The following C5 variants were observed in gnomAD, a reference collection of about 807,000 sequenced individuals.
C5 encodes the protein complement C5.
C5 carries 140 observed loss-of-function variants against 218.8 expected under a neutral mutation model. The observed-to-expected ratio is 0.64, with a 90% CI of 0.56 to 0.74. The LOEUF (loss-of-function observed/expected upper bound fraction) is 0.74. Ranked by LOEUF, C5 falls within the 30% of genes least tolerant of loss-of-function variation. The pLI, the probability that C5 is intolerant of heterozygous loss-of-function variation, is 0.00. For missense variants in C5, 1,700 were observed against 1,969.6 expected, an observed-to-expected ratio of 0.86 and a Z score of 2.59; for synonymous variants, 614 against 682.3, an observed-to-expected ratio of 0.90 and a Z score of 1.56.
At chr9:121,030,787 A>C (rs1221410638) in intron 6 of C5, among the ~76,000 whole-genome samples, 1 of 152,248 alleles carries the variant, frequency 6.6e-6, no homozygotes, top group Non-Finnish European at 1.5e-5. Context: ...AAAACAAAAA[A>C]ACTTTTCAAT....
At position 120,996,276 on chromosome 9, in the gene C5, A is replaced by G. The variant is rs757140743; in HGVS notation, c.2815T>C (p.Tyr939His). 3.5e-5 allele frequency: 56 copies of G among 1,612,942 alleles called. 1 individual carries two copies. The South Asian group carries it at 6.0e-4, about 17-fold the overall frequency. ...VVPEGVKRES[Y>H]SGVTLDPRGI... ...CTAGGATCCAAAGTAACACCAGAAT[A>G]GCTTTCCCTTTTGACACCTTCTGGC... Residue 939 changes from tyrosine to histidine, a missense_variant, in exon 22 of 41, where the codon TAT (tyrosine) becomes CAT (histidine). Tyr to His is a moderately conservative substitution (Grantham distance 83). Transcript: ENST00000223642.
chr9:120,965,099 A>G (rs2046857265), intron 33 of C5, among the ~76,000 whole-genome samples: 1 of 152,312 alleles, frequency 6.6e-6, no homozygotes, highest in East Asian at 1.9e-4. Context: ...AAATTAAAAG[A>G]CAGCTTCATA....
intron 33 of C5, among the ~76,000 whole-genome samples, chr9:120,964,117 T>C (rs2046848524): frequency 6.6e-6 from 1 of 152,220 alleles, no homozygotes; most frequent in Admixed American, 6.5e-5. Flanking sequence ...ATGAAGCATA[T>C]TCCAAGGAAA....
intron 27 of C5, among the ~76,000 whole-genome samples, 176 bp from the exon 28 acceptor site, chr9:120,980,430 A>T (rs1390198712): frequency 6.6e-6 from 1 of 152,110 alleles, no homozygotes; most frequent in Admixed American, 6.5e-5. Context: ...GAAGGAGCAG[A>T]GCATAATCTT....
rs761251498 is a variant in C5, at chr9:120,980,205, G to C, written c.3536C>G (p.Thr1179Arg). The change falls in exon 28 of 41, where the codon ACA becomes AGA. Residue 1179 changes from threonine (T) to arginine (R), a missense_variant. Transcript: ENST00000223642. The part of the protein sequence containing the change: ...IKADNFLLEN[T>R]LPAQSTFTLA... The stretch of plus-strand genomic sequence containing the variant: ...TGTAAAGGTGCTCTGGGCTGGCAGT[G>C]TATTTTCAAGCAGAAAGTTGTCAGC... 1 of 1,614,154 alleles carries C rather than the reference G, an allele frequency of 6.2e-7. No homozygotes were observed.
intron 39 of C5, among the ~76,000 whole-genome samples, chr9:120,954,861 G>A (rs1031247340): frequency 1.3e-5 from 2 of 152,200 alleles, no homozygotes; most frequent in Non-Finnish European, 2.9e-5. Context: ...CCCTGATGGT[G>A]TAGATTCCTA....
At chr9:121,052,703 T>A (rs1017312153), upstream of C5, among the ~76,000 whole-genome samples, 3 of 152,060 alleles carry the variant, frequency 2.0e-5, no homozygotes, top group East Asian at 5.8e-4. Context: ...AGCCTCAACA[T>A]TCCATTCTTC....
At chr9:121,006,806 C>A in intron 19 of C5, 98 bp downstream of exon 19, 2 of 856,510 alleles carry the variant, frequency 2.3e-6, no homozygotes, top group Non-Finnish European at 3.9e-6. Context: ...AAATTGCTAC[C>A]ATTTAAGTCC....
chr9:121,046,741 C>T (rs1245075701), intron 1 of C5, among the ~76,000 whole-genome samples: 1 of 152,082 alleles, frequency 6.6e-6, no homozygotes, highest in Non-Finnish European at 1.5e-5. Flanking sequence ...TGATTGAATT[C>T]CAGCTGTGGC....
chr9:121,017,809 T>C lies in C5; in HGVS notation c.1550A>G (p.Lys517Arg), dbSNP rs777381485. The C allele has an allele frequency of 6.2e-7, 1 of 1,613,842 alleles. No homozygotes were observed. Among genetic ancestry groups the C allele is most frequent in the East Asian group, 2.2e-5 (1 of 44,874 alleles). Residue 517 changes from lysine (K) to arginine (R), a missense_variant, in exon 13 of 41, where the codon AAA becomes AGA. Physicochemically the swap from Lys to Arg is conservative, Grantham distance 26 (BLOSUM62 2). Coordinates refer to ENST00000223642, the MANE Select transcript of C5 (RefSeq NM_001735.3). ...ACTTTGATAAGATGCATCTGAAAATTTCTCCCTCGTGCCAAAGTGGATAAT... is the reference window on the plus strand; with the variant it reads ...ACTTTGATAAGATGCATCTGAAAATCTCTCCCTCGTGCCAAAGTGGATAAT... Reference protein sequence around the residue: ...GKIIHFGTREKFSDASYQSIN... With the variant: ...GKIIHFGTRERFSDASYQSIN...
At chr9:120,963,769 T>C (rs774357419) in intron 33 of C5, 31 bp from the exon 34 acceptor site, 15 of 1,495,794 alleles carry the variant, frequency 1.0e-5, no homozygotes, top group Non-Finnish European at 1.4e-5. Flanking sequence ...GAAAATATAA[T>C]AAATAAGTGA....
the C5 span, among the ~76,000 whole-genome samples, chr9:121,066,579 T>A: frequency 6.6e-6 from 1 of 151,856 alleles, no homozygotes; most frequent in Admixed American, 6.6e-5. Context: ...TTGTGGTGGG[T>A]CATGCCTGTA....
rs76894202 is a variant in C5, at chr9:121,029,437, T to C, written c.758+960A>G. On this transcript the variant is annotated intron_variant, in intron 7 of 40. Transcript: ENST00000223642. ...TACCTCAGTTTTTCCACTTGTAACATGGGAATAGTAACAATATCAACGCAT... is the reference window on the plus strand; with the variant it reads ...TACCTCAGTTTTTCCACTTGTAACACGGGAATAGTAACAATATCAACGCAT... Among the ~76,000 whole-genome samples the C allele has an allele frequency of 3.7e-3, 565 of 152,344 alleles. 3 individuals carry two copies. Among genetic ancestry groups the C allele is most frequent in the Middle Eastern group, 0.02 (6 of 294 alleles).
In C5 at chr9:121,006,029, T is replaced by C; in HGVS notation, c.2452A>G (p.Lys818Glu). The part of the protein sequence containing the change: ...GICVADTVKA[K>E]VFKDVFLEMN... ...TCCAGGAAGACATCTTTGAACACCT[T>C]TGCCTTGACAGTATCAGCAACACAT... Residue 818 changes from lysine to glutamate, a missense_variant, in exon 20 of 41, where the codon AAG (lysine) becomes GAG (glutamate). Physicochemically the swap from Lys to Glu is moderately conservative, Grantham distance 56. Coordinates refer to ENST00000223642, the MANE Select transcript of C5 (RefSeq NM_001735.3). 6.2e-7 allele frequency: 1 copy of C among 1,613,788 alleles called. No homozygotes were observed.
At chr9:120,983,033 G>T (rs992754275) in intron 25 of C5, among the ~76,000 whole-genome samples, 4 of 152,150 alleles carry the variant, frequency 2.6e-5, no homozygotes, top group African/African-American at 9.7e-5. Flanking sequence ...TTACAACATT[G>T]TCCGCTAGCA....
At chr9:120,983,927 T>C (rs1020527309) in intron 25 of C5, among the ~76,000 whole-genome samples, 1 of 152,222 alleles carries the variant, frequency 6.6e-6, no homozygotes, top group Non-Finnish European at 1.5e-5. Flanking sequence ...AAATAGTAGA[T>C]ACAAGATATA....
chr9:120,966,607 T>C (rs938942322), intron 33 of C5, among the ~76,000 whole-genome samples: 2 of 152,148 alleles, frequency 1.3e-5, no homozygotes, highest in African/African-American at 4.8e-5. Flanking sequence ...TGACAACTGT[T>C]ACAAATTTAA....
intron 3 of C5, 95 bp downstream of exon 3, chr9:121,042,909 G>A (rs2047593142): frequency 8.2e-6 from 8 of 973,938 alleles, no homozygotes; most frequent in African/African-American, 1.6e-5. Context: ...AAAAGAAACC[G>A]ATCTCCACTC....
chr9:120,957,195 T>C (rs2046792291), intron 39 of C5, 90 bp downstream of exon 39: 2 of 884,522 alleles, frequency 2.3e-6, no homozygotes, highest in African/African-American at 3.3e-5. Flanking sequence ...TTATTTGAGT[T>C]GTATCTTCTG....
Sources: allele counts gnomAD v4.1 joint callset (sites outside exome capture counted in the v4.1 genomes callset), GRCh38; gene constraint gnomAD v4.1.1; transcripts MANE v1.5; gene names NCBI Gene and HGNC (gene_info 2026-07-23, HGNC 2026-07-21).